Variants in NDUFA12 observed in about 807,000 individuals in gnomAD.
NDUFA12 encodes NADH dehydrogenase [ubiquinone] 1 alpha subcomplex subunit 12.
In NDUFA12, 17 loss-of-function variants were observed where a neutral mutation model predicts 20.3. That is an observed-to-expected ratio of 0.84 (90% CI 0.57 to 1.26). The LOEUF (loss-of-function observed/expected upper bound fraction) is 1.26. NDUFA12 is among the 50% of genes most tolerant of loss of function. The pLI, the probability that NDUFA12 is intolerant of heterozygous loss-of-function variation, is 0.00. For synonymous variants in NDUFA12, 72 were observed against 63.6 expected (o/e 1.13, Z -0.63); for missense variants, 191 against 183.7 (o/e 1.04, Z -0.23).
intron 3 of NDUFA12, among the ~76,000 whole-genome samples, chr12:94,989,173 C>T (rs1040025777): frequency 2.0e-5 from 3 of 152,166 alleles, no homozygotes; most frequent in African/African-American, 7.2e-5. Flanking sequence ...CCACCTGACC[C>T]TTCCATTGCT....
intron 3 of NDUFA12, among the ~76,000 whole-genome samples, chr12:94,981,232 C>T (rs1218404567): frequency 1.3e-5 from 2 of 152,052 alleles, no homozygotes; most frequent in African/African-American, 4.8e-5. Context: ...GAGTTTGAGA[C>T]CAGCCTGGGC....
At chr12:95,001,088 TAAGCCCAGGAGTTC>T (rs754645251) in intron 2 of NDUFA12, among the ~76,000 whole-genome samples, 55 of 152,234 alleles carry the variant, frequency 3.6e-4, no homozygotes, top group Non-Finnish European at 5.6e-4. Context: ...GAGGATGGCT[TAAGCCCAGGAGTTC>T]AAGACCAGCC....
chr12:94,983,552 GAGA>G (rs1378982325), intron 3 of NDUFA12, among the ~76,000 whole-genome samples: 1 of 152,184 alleles, frequency 6.6e-6, no homozygotes, highest in African/African-American at 2.4e-5. Flanking sequence ...AGCAGCCTCA[GAGA>G]AGATCTCAGC....
At position 94,997,823 on chromosome 12, in the gene NDUFA12, A is replaced by AT. The variant is rs1337801235; in HGVS notation, c.170-3567_170-3566insA. The stretch of plus-strand genomic sequence containing the variant: ...GGATACTCAAACTGTAAAAATAATA[A>AT]CAGCAGTCACAGTGCTAATATTTAT... On this transcript the variant is annotated intron_variant, in intron 2 of 3. Transcript: ENST00000327772. Among the ~76,000 whole-genome samples the AT allele has an allele frequency of 2.9e-4, 44 of 152,200 alleles. 1 individual carries two copies. The highest frequency in any genetic ancestry group is 2.8e-4 in the Non-Finnish European group (19 of 68,040).
chr12:94,988,862 T>C (rs12368716), intron 3 of NDUFA12, among the ~76,000 whole-genome samples: 12,177 of 152,254 alleles, frequency 0.08, 557 homozygotes, highest in East Asian at 0.15. Context: ...CACTGCCATG[T>C]TGTCTGCTGA....
intron 3 of NDUFA12, chr12:94,972,620 T>C (rs1223975775): frequency 3.4e-5 from 10 of 297,642 alleles, no homozygotes; most frequent in South Asian, 5.5e-5. Flanking sequence ...TCCCAGCACT[T>C]TGGGAGGACG....
chr12:94,986,292 CAGG>C (rs764692859), intron 3 of NDUFA12, among the ~76,000 whole-genome samples: 12 of 151,526 alleles, frequency 7.9e-5, no homozygotes, highest in African/African-American at 2.2e-4. Context: ...TTACCACGGG[CAGG>C]AGGAGTGGAG....
At chr12:94,996,960 G>A in intron 2 of NDUFA12, 1 of 396,168 alleles carries the variant, frequency 2.5e-6, no homozygotes, top group Non-Finnish European at 4.9e-6. Flanking sequence ...TACTTCCTTG[G>A]GCCTCAGTTT....
intron 2 of NDUFA12, among the ~76,000 whole-genome samples, chr12:95,001,565 C>G (rs780743419): frequency 1.3e-5 from 2 of 152,160 alleles, no homozygotes; most frequent in Non-Finnish European, 2.9e-5. Context: ...AAAGTTGAGG[C>G]TGTAGTGAGC....
Position 94,994,170 on chromosome 12 carries a change from C to G in NDUFA12, c.257G>C (p.Trp86Ser). Residue 86 changes from tryptophan (W) to serine (S), a missense_variant and splice_region_variant, in exon 3 of 4, where the codon TGG (tryptophan) becomes TCG (serine). Transcript: ENST00000327772. ...CAAATAAAATGTTGTCTTAGCTTAC[C>G]ATTCAGGAGGCACCATGCTTCCATC... ...DVDGSMVPPE[W>S]HRWLHSMTDD... 6.2e-7 allele frequency: 1 copy of G among 1,613,390 alleles called. No individual in the cohort carries two copies. The highest frequency in any genetic ancestry group is 2.2e-5 in the East Asian group (1 of 44,878).
At chr12:94,984,929 GATCGCACC>G (rs1874369736) in intron 3 of NDUFA12, among the ~76,000 whole-genome samples, 2 of 35,452 alleles carry the variant, frequency 5.6e-5, no homozygotes, top group Non-Finnish European at 1.1e-4. Flanking sequence ...AGTGAGTCAA[GATCGCACC>G]ACTGCACTCC....
intron 3 of NDUFA12, among the ~76,000 whole-genome samples, chr12:94,985,351 G>A (rs1202437361): frequency 2.6e-5 from 4 of 151,326 alleles, no homozygotes; most frequent in African/African-American, 2.4e-5. Context: ...TAGGCCGGGC[G>A]CAGTGGCTCA....
chr12:95,002,025 G>C (rs188497250), intron 2 of NDUFA12, among the ~76,000 whole-genome samples: 7 of 151,998 alleles, frequency 4.6e-5, no homozygotes, highest in Non-Finnish European at 2.9e-5. Context: ...AAAAGTGGAA[G>C]TGCTGAGACA....
At chr12:94,991,726 C>CA (rs367869799) in intron 3 of NDUFA12, among the ~76,000 whole-genome samples, 2,523 of 113,084 alleles carry the variant, frequency 0.022, 67 homozygotes, top group African/African-American at 0.066. Flanking sequence ...GACGCTATCT[C>CA]AAAAAAAAAA....
intron 2 of NDUFA12, among the ~76,000 whole-genome samples, chr12:95,000,753 G>A (rs973492366): frequency 6.6e-6 from 1 of 152,158 alleles, no homozygotes; most frequent in South Asian, 2.1e-4. Context: ...CAAAAAGCAT[G>A]TATTTTCTCC....
intron 3 of NDUFA12, among the ~76,000 whole-genome samples, chr12:94,982,275 CTTTTTT>C (rs201781364): frequency 2.1e-4 from 29 of 135,620 alleles, no homozygotes; most frequent in Admixed American, 2.2e-4. Flanking sequence ...TTTTTCTTTT[CTTTTTT>C]TTTTTTTTTT....
chr12:94,976,570 C>T (rs1371767129), intron 3 of NDUFA12, among the ~76,000 whole-genome samples: 1 of 152,210 alleles, frequency 6.6e-6, no homozygotes, highest in East Asian at 1.9e-4. Context: ...GTGGATTCAA[C>T]ATAATACTCG....
chr12:94,978,199 A>G (rs1874121194), intron 3 of NDUFA12, among the ~76,000 whole-genome samples: 2 of 152,322 alleles, frequency 1.3e-5, no homozygotes, highest in South Asian at 4.1e-4. Flanking sequence ...CAGAGACTTG[A>G]TGTGTCTGAT....
At chr12:94,991,324 G>A (rs1353200370) in intron 3 of NDUFA12, among the ~76,000 whole-genome samples, 1 of 151,988 alleles carries the variant, frequency 6.6e-6, no homozygotes, top group Non-Finnish European at 1.5e-5. Flanking sequence ...CACGTGGCAA[G>A]TGGTTACCCT....
Sources: gnomAD v4.1 joint callset for allele counts (sites outside exome capture counted in the v4.1 genomes callset) on GRCh38, gnomAD v4.1.1 for gene constraint, MANE v1.5 for transcripts, NCBI Gene and HGNC (gene_info 2026-07-23, HGNC 2026-07-21) for gene names.